Variants in PTP4A1 observed in about 807,000 individuals in gnomAD.
PTP4A1 encodes protein tyrosine phosphatase type IVA 1.
PTP4A1 carries 9 observed loss-of-function variants against 20.5 expected under a neutral mutation model. The observed-to-expected ratio is 0.44, with a 90% CI of 0.26 to 0.77. The LOEUF is 0.77. Among genes scored for constraint, PTP4A1 ranks in the 30% least tolerant of loss-of-function variants. PTP4A1 has a pLI of 0.19. For missense variants in PTP4A1, 137 were observed against 218.8 expected (o/e 0.63, Z 2.36); for synonymous variants, 78 against 67.4 (o/e 1.16, Z -0.77).
chr6:63,541,094 G>A (rs906170375), intron 2 of PTP4A1, among the ~76,000 whole-genome samples: 1 of 152,034 alleles, frequency 6.6e-6, no homozygotes, highest in African/African-American at 2.4e-5. Context: ...AATGAATAGT[G>A]TGCCCTAAAC....
In PTP4A1 at chr6:63,578,829, GA is replaced by G. The variant is rs1423728744; in HGVS notation, c.199-66del. The G allele has an allele frequency of 3.0e-5, 41 of 1,346,360 alleles. No individual in the cohort carries two copies. The East Asian group carries it at 9.6e-4, about 32-fold the overall frequency. 83.4% of individuals were successfully genotyped at this position (1,346,360 alleles called of 1,614,324 possible). ...TGCTTTTGAAAACATTTCCATGTTAGAAATTTAGAATTATTACTACAGTGTT... is the reference window on the plus strand; with the variant it reads ...TGCTTTTGAAAACATTTCCATGTTAGAATTTAGAATTATTACTACAGTGTT... On this transcript the variant is annotated intron_variant, in intron 3 of 5. Transcript: ENST00000626021.
chr6:63,526,674 G>A (rs1387409662), intron 1 of PTP4A1, among the ~76,000 whole-genome samples: 1 of 151,296 alleles, frequency 6.6e-6, no homozygotes, highest in African/African-American at 2.4e-5. Flanking sequence ...TGGACGTGGT[G>A]GCGTGTGCCT....
intron 1 of PTP4A1, chr6:63,527,782 T>C (rs1229598496): frequency 6.6e-6 from 1 of 152,216 alleles, no homozygotes; most frequent in Non-Finnish European, 1.5e-5. Context: ...ATAACAGTGA[T>C]GAGCTCACCT....
intron 3 of PTP4A1, among the ~76,000 whole-genome samples, chr6:63,557,357 G>A (rs1000130102): frequency 6.6e-6 from 1 of 152,186 alleles, no homozygotes; most frequent in African/African-American, 2.4e-5. Context: ...CCTGAGGTCA[G>A]GAGTTTGAGA....
intron 2 of PTP4A1, among the ~76,000 whole-genome samples, chr6:63,578,023 T>C (rs1317399774): frequency 6.6e-6 from 1 of 152,062 alleles, no homozygotes; most frequent in Non-Finnish European, 1.5e-5. Flanking sequence ...GTGAGTATAA[T>C]TGAGTGAAGT....
chr6:63,533,922 C>G (rs576293678), intron 2 of PTP4A1, among the ~76,000 whole-genome samples: 72 of 151,902 alleles, frequency 4.7e-4, no homozygotes, highest in African/African-American at 1.6e-3. Context: ...CGGCTCATTA[C>G]AACCTCTGCC....
In PTP4A1 at chr6:63,580,130, T is replaced by G. The variant is rs575722475; in HGVS notation, c.478T>G (p.Phe160Val). 3.1e-6 allele frequency: 5 copies of G among 1,613,754 alleles called. No individual in the cohort carries two copies. The African/African-American group carries it at 4.0e-5, about 13-fold the overall frequency. Residue 160 changes from phenylalanine (F) to valine (V), a missense_variant, in exon 6 of 6, where the codon TTC becomes GTC. By Grantham distance (50) the Phe-to-Val change is conservative. Coordinates refer to ENST00000626021, the MANE Select transcript of PTP4A1 (RefSeq NM_003463.5). ...GTATCGTCCTAAAATGCGGCTGCGT[T>G]TCAAAGATTCCAACGGTCATAGAAA... ...EKYRPKMRLR[F>V]KDSNGHRNNC...
intron 1 of PTP4A1, among the ~76,000 whole-genome samples, chr6:63,522,630 G>A (rs918766570): frequency 6.6e-6 from 1 of 152,258 alleles, no homozygotes; most frequent in Admixed American, 6.5e-5. Flanking sequence ...TAGTGTAGCA[G>A]CCAGAAAACA....
intron 2 of PTP4A1, among the ~76,000 whole-genome samples, chr6:63,538,115 C>T (rs58779953): frequency 0.086 from 13,161 of 152,184 alleles, 608 homozygotes; most frequent in East Asian, 0.16. Context: ...AATGTACATG[C>T]AAATTTTTAG....
chr6:63,529,537 C>T (rs778696908), intron 2 of PTP4A1, among the ~76,000 whole-genome samples: 6 of 152,152 alleles, frequency 3.9e-5, no homozygotes, highest in Non-Finnish European at 7.3e-5. Context: ...TTTTCTACCT[C>T]TCTCGCTTTT....
chr6:63,524,814 T>C (rs1775089522), intron 1 of PTP4A1, among the ~76,000 whole-genome samples: 1 of 152,232 alleles, frequency 6.6e-6, no homozygotes, highest in East Asian at 1.9e-4. Flanking sequence ...TCATTTCCTT[T>C]TTATATGTTT....
chr6:63,560,235 G>A (rs1221012492), intron 3 of PTP4A1, among the ~76,000 whole-genome samples: 3 of 151,410 alleles, frequency 2.0e-5, no homozygotes, highest in Admixed American at 2.0e-4. Context: ...CTACTTGGGA[G>A]GCTGAGGCAG....
At chr6:63,551,970 C>A (rs1483315722) in intron 3 of PTP4A1, among the ~76,000 whole-genome samples, 1 of 152,208 alleles carries the variant, frequency 6.6e-6, no homozygotes, top group African/African-American at 2.4e-5. Context: ...GGTTCCAAGT[C>A]TTTGCTATTG....
At position 63,583,234 on chromosome 6, in the gene PTP4A1, AAAGTT is replaced by A. The variant is rs764862887; in HGVS notation, c.*3066_*3070del. The A allele has an allele frequency of 1.3e-5, 2 of 152,346 alleles. No individual in the cohort carries two copies. The highest frequency in any genetic ancestry group is 1.9e-4 in the East Asian group (1 of 5,194). The allele number at this position is 152,346 out of a possible 1,614,324, so 9.4% of individuals were successfully genotyped here. A position where few individuals can be genotyped will look rare whatever the true frequency, so the allele number is the denominator to read the frequency against. On this transcript the variant is annotated 3_prime_UTR_variant, in exon 6 of 6. Transcript: ENST00000626021. ...TACATGTAAACAATGAAGTTATTTC[AAAGTT>A]AAGTTTTAAACAAAATACATGAAGT...
intron 2 of PTP4A1, among the ~76,000 whole-genome samples, chr6:63,529,633 T>A (rs1744151): frequency 0.015 from 2,264 of 152,292 alleles, 49 homozygotes; most frequent in African/African-American, 0.051. Context: ...CTCAAAAGCT[T>A]GGTTTGAGCA....
At chr6:63,571,218 C>T (rs548258740), upstream of PTP4A1, 3 of 152,216 alleles carry the variant, frequency 2.0e-5, no homozygotes, top group South Asian at 6.2e-4. Context: ...AGTTGAATAA[C>T]TATACAACCA....
In PTP4A1 at chr6:63,580,009, T is replaced by C. The variant is rs764609676; in HGVS notation, c.405-48T>C. ...TTGTCTATAAGACACTAAATATTAC[T>C]GTAGGGGGCTTTTGCCTTGTTTCAT... On this transcript the variant is annotated intron_variant, in intron 5 of 5. Transcript: ENST00000626021. 4.3e-6 allele frequency: 6 copies of C among 1,383,736 alleles called. No homozygotes were observed. In the African/African-American group the frequency reaches 5.8e-5, roughly 13 times the overall value. The allele number at this position is 1,383,736 out of a possible 1,614,324, so 85.7% of individuals were successfully genotyped here. A position where few individuals can be genotyped will look rare whatever the true frequency, so the allele number is the denominator to read the frequency against.
At chr6:63,530,843 A>T (rs971416409) in intron 2 of PTP4A1, among the ~76,000 whole-genome samples, 1 of 152,208 alleles carries the variant, frequency 6.6e-6, no homozygotes, top group African/African-American at 2.4e-5. Flanking sequence ...GTAGTACCTT[A>T]AAACATCCAA....
upstream of PTP4A1, among the ~76,000 whole-genome samples, chr6:63,570,493 GAGC>G (rs1777369535): frequency 6.6e-6 from 1 of 152,220 alleles, no homozygotes; most frequent in African/African-American, 2.4e-5. Flanking sequence ...AGAACTTGAT[GAGC>G]ATAGCTGACT....
Sources: allele counts gnomAD v4.1 joint callset (sites outside exome capture counted in the v4.1 genomes callset), GRCh38; gene constraint gnomAD v4.1.1; transcripts MANE v1.5; gene names NCBI Gene and HGNC (gene_info 2026-07-23, HGNC 2026-07-21).